Variants in HHEX observed in about 807,000 individuals in gnomAD.
HHEX encodes hematopoietically-expressed homeobox protein HHEX.
A neutral mutation model predicts 27.0 loss-of-function variants in HHEX; 8 were observed. The observed-to-expected ratio is 0.30, with a 90% CI of 0.17 to 0.54. The LOEUF (loss-of-function observed/expected upper bound fraction) is 0.54, where lower values mean the gene tolerates loss of function less well. Ranked by LOEUF, HHEX falls within the 20% of genes least tolerant of loss-of-function variation. The pLI is 0.95. For synonymous variants in HHEX, 164 were observed against 161.5 expected, an observed-to-expected ratio of 1.02 and a Z score of -0.12; for missense variants, 326 against 357.2, an observed-to-expected ratio of 0.91 and a Z score of 0.70.
At chr10:92,690,436 G>A in intron 1 of HHEX, 89 bp downstream of exon 1, 5 of 1,346,674 alleles carry the variant, frequency 3.7e-6, no homozygotes, top group Non-Finnish European at 4.8e-6. Flanking sequence ...GGGGGCAGGC[G>A]GTAGACGGCT....
At chr10:92,690,524 G>A (rs117662920) in intron 1 of HHEX, among the ~76,000 whole-genome samples, 177 bp downstream of exon 1, 3,176 of 152,232 alleles carry the variant, frequency 0.021, 48 homozygotes, top group Admixed American at 0.053. Context: ...ACCGCACCGT[G>A]ACTCAGATTG....
At position 92,690,043 on chromosome 10, in the gene HHEX, G is replaced by A. The variant is rs958911274; in HGVS notation, c.57G>A (p.Ala19=). ...GCGCCGTGGGGGTGCCGCTGTACGCGCCCACGCCGCTGCTGCAACCCGCAC... is the reference window on the plus strand; with the variant it reads ...GCGCCGTGGGGGTGCCGCTGTACGCACCCACGCCGCTGCTGCAACCCGCAC... ...AAGAVGVPLY[A]PTPLLQPAHP... The change falls in exon 1 of 4, where the codon GCG becomes GCA. Residue 19 remains alanine (A), a synonymous_variant. Transcript: ENST00000282728. 6.5e-7 allele frequency: 1 copy of A among 1,529,414 alleles called. No homozygotes were observed. The highest frequency in any genetic ancestry group is 8.8e-7 in the Non-Finnish European group (1 of 1,140,106). The allele number at this position is 1,529,414 out of a possible 1,614,324, so 94.7% of individuals were successfully genotyped here.
At chr10:92,692,668 C>G in intron 2 of HHEX, 34 bp from the exon 3 acceptor site, 2 of 1,611,116 alleles carry the variant, frequency 1.2e-6, no homozygotes, top group Non-Finnish European at 1.7e-6. Context: ...CCGACGCGGG[C>G]TCGTTGCAAG....
chr10:92,691,677 C>T (rs1845356519), intron 1 of HHEX: 1 of 152,258 alleles, frequency 6.6e-6, no homozygotes, highest in South Asian at 2.1e-4. Context: ...TCACAGTGCG[C>T]CCTGAGTTTC....
intron 1 of HHEX, among the ~76,000 whole-genome samples, chr10:92,691,410 A>C (rs1441779834): frequency 6.6e-6 from 1 of 152,186 alleles, no homozygotes; most frequent in African/African-American, 2.4e-5. Flanking sequence ...CCCTGAAAAC[A>C]ATTAACGTCT....
At chr10:92,694,322 G>T (rs1845383581) in intron 3 of HHEX, among the ~76,000 whole-genome samples, 1 of 152,102 alleles carries the variant, frequency 6.6e-6, no homozygotes, top group Non-Finnish European at 1.5e-5. Context: ...GTTCATGACT[G>T]GTTCTCATCT....
intron 3 of HHEX, among the ~76,000 whole-genome samples, chr10:92,694,087 T>C (rs937975639): frequency 2.0e-5 from 3 of 152,256 alleles, no homozygotes; most frequent in African/African-American, 7.2e-5. Context: ...AGTCTAATAA[T>C]TGAAACTTTA....
At position 92,692,797 on chromosome 10, in the gene HHEX, C is replaced by T. The variant is rs1845371048; in HGVS notation, c.591+45C>T. 8 of 1,510,768 alleles carry T rather than the reference C, an allele frequency of 5.3e-6. No homozygotes were observed. The South Asian group carries it at 6.7e-5, about 13-fold the overall frequency. 93.6% of individuals were successfully genotyped at this position (1,510,768 alleles called of 1,614,324 possible). ...TCTATGGAAATAAATATTTTTATCA[C>T]GTTATCTCAGTGCAAGGCTGTTATG... is the stretch of plus-strand genomic sequence containing the variant. On this transcript the variant is annotated intron_variant, in intron 3 of 3. Transcript: ENST00000282728.
rs143956301 is a variant in HHEX at position 92,694,951 on chromosome 10, A to C, written c.*183A>C. On this transcript the variant is annotated 3_prime_UTR_variant, in exon 4 of 4. Coordinates refer to ENST00000282728, the MANE Select transcript of HHEX (RefSeq NM_002729.5). ...AACCTACATGGAGACCTTAATTTTG[A>C]CTTAACAAATAGTTTATGTACTGCT... The C allele has an allele frequency of 4.2e-4, 251 of 594,326 alleles. No homozygotes were observed. The highest frequency in any genetic ancestry group is 4.1e-3 in the African/African-American group (222 of 53,866). 36.8% of individuals were successfully genotyped at this position (594,326 alleles called of 1,614,324 possible).
chr10:92,692,223 A>G, intron 1 of HHEX, 145 bp from the exon 2 acceptor site: 1 of 724,428 alleles, frequency 1.4e-6, no homozygotes. Flanking sequence ...GGAACGTGTT[A>G]GGTCCACGTG....
chr10:92,690,166 C>T lies in HHEX; in HGVS notation c.180C>T (p.Ser60=). The T allele has an allele frequency of 6.4e-7, 1 of 1,560,884 alleles. No homozygotes were observed. The highest frequency in any genetic ancestry group is 8.7e-7 in the Non-Finnish European group (1 of 1,153,208). Residue 60 remains serine, a synonymous_variant, in exon 1 of 4, where the codon AGC becomes AGT. Transcript: ENST00000282728. ...TLPSPNSSFT[S]LVSPYRTPVY... The stretch of plus-strand genomic sequence containing the variant: ...CGTCCCCCAACTCCTCCTTCACCAG[C>T]CTCGTGTCCCCCTACCGGACCCCGG...
chr10:92,693,928 G>A (rs1349348358), intron 3 of HHEX, among the ~76,000 whole-genome samples: 1 of 152,142 alleles, frequency 6.6e-6, no homozygotes, highest in Non-Finnish European at 1.5e-5. Flanking sequence ...CAGATTTTAA[G>A]TAAATTGTAG....
chr10:92,694,461 A>G (rs181897153), intron 3 of HHEX, 86 bp from the exon 4 acceptor site: 43 of 953,884 alleles, frequency 4.5e-5, no homozygotes, highest in East Asian at 3.3e-4. Context: ...AAGATGGAAT[A>G]GGATGAAGAG....
chr10:92,694,658 C>CA lies in HHEX; in HGVS notation c.705dup (p.Cys236MetfsTer12). ...TAAAGGTGCTTCTTTGGATAGCTCT[C>CA]AATGTTCGCCCTCCCCTGCCTCCCA... is the stretch of plus-strand genomic sequence containing the variant. On this transcript the variant is annotated frameshift_variant, in exon 4 of 4. Coordinates refer to ENST00000282728, the MANE Select transcript of HHEX (RefSeq NM_002729.5). LOFTEE classifies it high-confidence loss of function. 6.2e-7 allele frequency: 1 copy of CA among 1,614,036 alleles called. No homozygotes were observed.
rs370419063 is a variant in HHEX at position 92,692,553 on chromosome 10, T to A, written c.540+7T>A. 5 of 1,612,622 alleles carry A rather than the reference T, an allele frequency of 3.1e-6. No homozygotes were observed. In the African/African-American group the frequency reaches 6.7e-5, roughly 22 times the overall value. On this transcript the variant is annotated splice_region_variant and intron_variant, in intron 2 of 3. Coordinates refer to ENST00000282728, the MANE Select transcript of HHEX (RefSeq NM_002729.5). The stretch of plus-strand genomic sequence containing the variant: ...GCAGCTCAGCGAGAGACAGGTGAGC[T>A]CGCGGGGGGCCTGGGGCCGCCTCCG...
chr10:92,690,843 T>C (rs1399450330), intron 1 of HHEX, among the ~76,000 whole-genome samples: 1 of 152,246 alleles, frequency 6.6e-6, no homozygotes, highest in Non-Finnish European at 1.5e-5. Flanking sequence ...AGTGTTTTCC[T>C]GGCTGCATGA....
At position 92,694,766 on chromosome 10, in the gene HHEX, T is replaced by C. The variant is rs1445495335; in HGVS notation, c.811T>C (p.Ter271ArgextTer1). ...EGDKSYFNAG[*>R] Reference sequence around the variant, plus strand: ...CGATAAAAGCTATTTTAATGCTGGATGATGACCACTGGCATTGGCATGTTC... The same window carrying C: ...CGATAAAAGCTATTTTAATGCTGGACGATGACCACTGGCATTGGCATGTTC... The change falls in exon 4 of 4, where the codon TGA becomes CGA. Residue 271 changes from the stop codon to arginine (R), a stop_lost. Transcript: ENST00000282728. 6.3e-7 allele frequency: 1 copy of C among 1,597,698 alleles called. No individual in the cohort carries two copies. Among genetic ancestry groups the C allele is most frequent in the Admixed American group, 1.7e-5 (1 of 60,006 alleles).
intron 3 of HHEX, among the ~76,000 whole-genome samples, chr10:92,693,019 C>T (rs981287185): frequency 6.6e-6 from 1 of 152,132 alleles, no homozygotes; most frequent in Admixed American, 6.5e-5. Flanking sequence ...TTTTATAAAT[C>T]CCATATGTTG....
rs779766063 is a variant in HHEX, at chr10:92,692,557, G to T, written c.540+11G>T. On this transcript the variant is annotated intron_variant, in intron 2 of 3. Transcript: ENST00000282728. ...CTCAGCGAGAGACAGGTGAGCTCGCGGGGGGCCTGGGGCCGCCTCCGGGGA... is the reference window on the plus strand; with the variant it reads ...CTCAGCGAGAGACAGGTGAGCTCGCTGGGGGCCTGGGGCCGCCTCCGGGGA... 6.2e-7 allele frequency: 1 copy of T among 1,612,868 alleles called. No individual in the cohort carries two copies. The highest frequency in any genetic ancestry group is 8.5e-7 in the Non-Finnish European group (1 of 1,179,346).
Sources: gnomAD v4.1 joint callset for allele counts (sites outside exome capture counted in the v4.1 genomes callset) on GRCh38, gnomAD v4.1.1 for gene constraint, MANE v1.5 for transcripts, NCBI Gene and HGNC (gene_info 2026-07-23, HGNC 2026-07-21) for gene names.